FTCDNL1: variants seen among roughly 807,000 people sequenced by gnomAD.
FTCDNL1 encodes formiminotransferase cyclodeaminase N-terminal like, also known as formiminotransferase N-terminal subdomain-containing protein.
FTCDNL1 carries 11 observed loss-of-function variants against 5.9 expected under a neutral mutation model. That is an observed-to-expected ratio of 1.87 (90% confidence interval 1.18 to 3.10). The LOEUF (loss-of-function observed/expected upper bound fraction) is 3.10, where lower values mean the gene tolerates loss of function less well. Among genes scored for constraint, FTCDNL1 ranks in the 30% most tolerant of loss-of-function variants. The probability of loss-of-function intolerance (pLI) is 0.00; values close to 1 mark genes in which losing one functional copy is unlikely to be tolerated. For synonymous variants in FTCDNL1, 58 were observed against 24.8 expected, an observed-to-expected ratio of 2.34 and a Z score of -3.99; for missense variants, 115 against 65.5, an observed-to-expected ratio of 1.76 and a Z score of -2.61.
chr2:199,693,838 T>C, the FTCDNL1 span, among the ~76,000 whole-genome samples: 17 of 152,232 alleles, frequency 1.1e-4, no homozygotes, highest in African/African-American at 3.9e-4. Flanking sequence ...TACATATTTG[T>C]ATGGCTGTGA....
chr2:199,821,572 C>G, intron 3 of FTCDNL1, among the ~76,000 whole-genome samples: 1 of 152,090 alleles, frequency 6.6e-6, no homozygotes, highest in South Asian at 2.1e-4. Flanking sequence ...TCAAAGGATT[C>G]TCCTGCCTCA....
At chr2:199,664,421 C>T in the FTCDNL1 span, among the ~76,000 whole-genome samples, 1 of 152,102 alleles carries the variant, frequency 6.6e-6, no homozygotes, top group Non-Finnish European at 1.5e-5. Context: ...TAGCTTTTTT[C>T]TTCCTGAATT....
the FTCDNL1 span, among the ~76,000 whole-genome samples, chr2:199,681,348 C>T: frequency 6.6e-6 from 1 of 152,038 alleles, no homozygotes; most frequent in Admixed American, 6.6e-5. Context: ...CCCAGCTACT[C>T]GGGAGGCTGA....
chr2:199,736,887 T>A, the FTCDNL1 span, among the ~76,000 whole-genome samples: 1 of 152,188 alleles, frequency 6.6e-6, no homozygotes, highest in African/African-American at 2.4e-5. Flanking sequence ...ATTGAACTGA[T>A]TAATTCAGTT....
the FTCDNL1 span, among the ~76,000 whole-genome samples, chr2:199,720,958 AT>A: frequency 7.9e-5 from 12 of 152,246 alleles, no homozygotes; most frequent in Admixed American, 2.6e-4. Context: ...TACAAATGTG[AT>A]TTTCTAGAAT....
chr2:199,825,145 A>AAAAAAG (rs1209751018), intron 3 of FTCDNL1, among the ~76,000 whole-genome samples: 1 of 151,870 alleles, frequency 6.6e-6, no homozygotes, highest in Non-Finnish European at 1.5e-5. Context: ...CTCAAAAAAA[A>AAAAAAG]AAAAAGAAAA....
chr2:199,724,751 TTTG>T, the FTCDNL1 span, among the ~76,000 whole-genome samples: 3 of 152,270 alleles, frequency 2.0e-5, no homozygotes, highest in African/African-American at 7.2e-5. Context: ...TGAGAGATAG[TTTG>T]TTATGATTTC....
the FTCDNL1 span, among the ~76,000 whole-genome samples, chr2:199,705,035 C>T: frequency 6.6e-6 from 1 of 152,236 alleles, no homozygotes; most frequent in South Asian, 2.1e-4. Context: ...TGCCTGTGAG[C>T]TCATGGGGCC....
intron 3 of FTCDNL1, among the ~76,000 whole-genome samples, chr2:199,792,266 T>C (rs935336413): frequency 1.4e-4 from 22 of 152,192 alleles, no homozygotes; most frequent in African/African-American, 5.1e-4. Flanking sequence ...TTGGTAAATA[T>C]AGAAATAATT....
At chr2:199,672,398 A>T in the FTCDNL1 span, among the ~76,000 whole-genome samples, 6 of 152,252 alleles carry the variant, frequency 3.9e-5, no homozygotes, top group African/African-American at 1.4e-4. Context: ...TGATGCACTT[A>T]AATAGATGAA....
intron 3 of FTCDNL1, among the ~76,000 whole-genome samples, chr2:199,845,781 A>G (rs1432929590): frequency 2.6e-5 from 4 of 152,002 alleles, no homozygotes; most frequent in Non-Finnish European, 4.4e-5. Context: ...TTCACAGGCT[A>G]AAACCTGAAG....
At chr2:199,698,090 C>A in the FTCDNL1 span, among the ~76,000 whole-genome samples, 19 of 152,074 alleles carry the variant, frequency 1.2e-4, 1 homozygote, top group African/African-American at 4.6e-4. Flanking sequence ...CTCAACTGTC[C>A]TAAATATATA....
downstream of FTCDNL1, among the ~76,000 whole-genome samples, chr2:199,759,093 ATGTG>A (rs951393652): frequency 2.6e-5 from 4 of 151,966 alleles, no homozygotes; most frequent in Admixed American, 2.0e-4. Context: ...AAATCTGTGT[ATGTG>A]TGTGTAATAT....
intron 3 of FTCDNL1, among the ~76,000 whole-genome samples, chr2:199,775,979 TATC>T (rs2106306764): frequency 6.7e-6 from 1 of 149,596 alleles, no homozygotes; most frequent in South Asian, 2.1e-4. Context: ...AGTGGCGCGA[TATC>T]AGCTCACTGC....
At chr2:199,688,640 C>T in the FTCDNL1 span, among the ~76,000 whole-genome samples, 2 of 152,142 alleles carry the variant, frequency 1.3e-5, no homozygotes, top group African/African-American at 2.4e-5. Context: ...CTGGTCTTCC[C>T]CTGGCCTTAG....
chr2:199,830,518 C>T (rs561058396), intron 3 of FTCDNL1, among the ~76,000 whole-genome samples: 1 of 152,252 alleles, frequency 6.6e-6, no homozygotes, highest in East Asian at 1.9e-4. Context: ...AGAATTGTCT[C>T]CCAACCATCC....
At chr2:199,752,830 T>TAG in the FTCDNL1 span, among the ~76,000 whole-genome samples, 7 of 112,072 alleles carry the variant, frequency 6.2e-5, no homozygotes, top group East Asian at 2.6e-4. Context: ...GATATATAGA[T>TAG]AGAGAGAGAG....
At chr2:199,844,918 T>A (rs1031729693) in intron 3 of FTCDNL1, among the ~76,000 whole-genome samples, 1 of 152,058 alleles carries the variant, frequency 6.6e-6, no homozygotes, top group Non-Finnish European at 1.5e-5. Context: ...TAATTTTTTT[T>A]TATTTTTTAT....
intron 3 of FTCDNL1, among the ~76,000 whole-genome samples, chr2:199,780,059 G>A (rs1400475460): frequency 6.6e-6 from 1 of 152,194 alleles, no homozygotes; most frequent in African/African-American, 2.4e-5. Flanking sequence ...GTTCCCTGGA[G>A]AACAGACTGT....
Sources: gnomAD v4.1 joint callset for allele counts (sites outside exome capture counted in the v4.1 genomes callset) on GRCh38, gnomAD v4.1.1 for gene constraint, MANE v1.5 for transcripts, NCBI Gene and HGNC (gene_info 2026-07-23, HGNC 2026-07-21) for gene names.